The following PTN variants were observed in gnomAD, a reference collection of about 807,000 sequenced individuals.
The protein encoded by PTN is heparin affin regulatory protein.
Under a neutral mutation model 24.1 loss-of-function variants are expected in PTN, and 18 were observed. The ratio of observed to expected loss-of-function variants is 0.75; its 90% CI spans 0.52 to 1.11. The LOEUF (loss-of-function observed/expected upper bound fraction) is 1.11. PTN is among the 50% of genes least tolerant of loss of function. PTN has a pLI of 0.00. For missense variants in PTN, 163 were observed against 198.8 expected, an observed-to-expected ratio of 0.82 and a Z score of 1.08; for synonymous variants, 78 against 68.6, an observed-to-expected ratio of 1.14 and a Z score of -0.67.
intron 1 of PTN, among the ~76,000 whole-genome samples, chr7:137,269,933 C>T (rs1563206906): frequency 2.0e-5 from 3 of 152,074 alleles, no homozygotes; most frequent in African/African-American, 7.2e-5. Context: ...GCCCAGCCTG[C>T]TCCATCTATT....
intron 4 of PTN, among the ~76,000 whole-genome samples, 187 bp downstream of exon 4, chr7:137,251,043 T>C (rs1808816887): frequency 6.6e-6 from 1 of 152,190 alleles, no homozygotes; most frequent in Non-Finnish European, 1.5e-5. Context: ...GGACTTCAAT[T>C]TGCACTCACA....
chr7:137,230,794 C>G (rs2128867155), intron 4 of PTN, among the ~76,000 whole-genome samples: 1 of 151,880 alleles, frequency 6.6e-6, no homozygotes, highest in Admixed American at 6.6e-5. Flanking sequence ...AGAACGTGGT[C>G]CAACGCCCTT....
intron 1 of PTN, among the ~76,000 whole-genome samples, chr7:137,312,935 T>C (rs1810007555): frequency 6.6e-6 from 1 of 152,192 alleles, no homozygotes; most frequent in South Asian, 2.1e-4. Context: ...TAATGAAAAC[T>C]GTAAAATAAT....
intron 4 of PTN, among the ~76,000 whole-genome samples, chr7:137,239,631 A>G (rs1808591235): frequency 6.6e-6 from 1 of 151,280 alleles, no homozygotes; most frequent in Admixed American, 6.6e-5. Context: ...ATTCCCACCT[A>G]TGAGTGAGAA....
intron 1 of PTN, among the ~76,000 whole-genome samples, chr7:137,319,689 G>A (rs1810131805): frequency 6.6e-6 from 1 of 152,196 alleles, no homozygotes; most frequent in African/African-American, 2.4e-5. Flanking sequence ...CTGTACAGAT[G>A]AGAAGCCGGA....
chr7:137,313,944 C>A (rs765751174), intron 1 of PTN, among the ~76,000 whole-genome samples: 2 of 152,126 alleles, frequency 1.3e-5, no homozygotes, highest in Non-Finnish European at 2.9e-5. Flanking sequence ...ATTATTCAAC[C>A]TTTTTCATCA....
intron 1 of PTN, among the ~76,000 whole-genome samples, chr7:137,272,268 T>C (rs1040582378): frequency 2.6e-5 from 4 of 152,230 alleles, no homozygotes; most frequent in African/African-American, 4.8e-5. Flanking sequence ...TTTCCACTCC[T>C]GCACCCGATC....
At chr7:137,260,681 A>G (rs1025249705) in intron 1 of PTN, among the ~76,000 whole-genome samples, 6 of 152,244 alleles carry the variant, frequency 3.9e-5, no homozygotes, top group Non-Finnish European at 7.4e-5. Flanking sequence ...TCATGGTGCA[A>G]TTCAATATTC....
chr7:137,262,123 A>G (rs1809050707), intron 1 of PTN, among the ~76,000 whole-genome samples: 1 of 152,178 alleles, frequency 6.6e-6, no homozygotes, highest in South Asian at 2.1e-4. Context: ...TGAGATGCCC[A>G]AGGGATTTTT....
intron 1 of PTN, among the ~76,000 whole-genome samples, chr7:137,290,285 C>A (rs2128877173): frequency 6.6e-6 from 1 of 152,276 alleles, no homozygotes; most frequent in African/African-American, 2.4e-5. Context: ...TTGGTGGGGA[C>A]ACAGCCAAAC....
At chr7:137,317,850 A>G (rs1430353401) in intron 1 of PTN, among the ~76,000 whole-genome samples, 5 of 152,198 alleles carry the variant, frequency 3.3e-5, no homozygotes, top group Non-Finnish European at 7.3e-5. Context: ...ATGAGTGACC[A>G]AAGACAGGTG....
chr7:137,321,185 C>G (rs1481370279), intron 1 of PTN, among the ~76,000 whole-genome samples: 1 of 152,118 alleles, frequency 6.6e-6, no homozygotes, highest in Non-Finnish European at 1.5e-5. Context: ...AAGCAAAGAC[C>G]CTGCATGTTC....
intron 1 of PTN, among the ~76,000 whole-genome samples, chr7:137,310,366 G>C (rs909175592): frequency 6.0e-5 from 9 of 150,276 alleles, no homozygotes; most frequent in African/African-American, 2.2e-4. Flanking sequence ...TCAGTGAGCA[G>C]TGTCTTCAAA....
chr7:137,327,800 A>G (rs1247134435), intron 1 of PTN, among the ~76,000 whole-genome samples: 2 of 152,150 alleles, frequency 1.3e-5, no homozygotes, highest in African/African-American at 4.8e-5. Context: ...TATGAGGATG[A>G]AACTAAGATG....
Position 137,343,497 on chromosome 7 carries a change from T to A in PTN, c.-60A>T. 1 of 518,882 alleles carries A rather than the reference T, an allele frequency of 1.9e-6. No individual in the cohort carries two copies. Among genetic ancestry groups the A allele is most frequent in the South Asian group, 1.4e-5 (1 of 71,566 alleles). 32.1% of individuals were successfully genotyped at this position (518,882 alleles called of 1,614,324 possible). A position where few individuals can be genotyped will look rare whatever the true frequency, so the allele number is the denominator to read the frequency against. ...CTGCCTTTGTTGCAAGGGGCGAGGT[T>A]GCTACCGCTGAGTCCAGGTACCCGG... On this transcript the variant is annotated 5_prime_UTR_variant, in exon 1 of 5. Coordinates refer to ENST00000348225, the MANE Select transcript of PTN (RefSeq NM_002825.7).
intron 1 of PTN, among the ~76,000 whole-genome samples, chr7:137,294,883 T>C (rs1321169814): frequency 1.3e-5 from 2 of 152,132 alleles, no homozygotes; most frequent in African/African-American, 4.8e-5. Context: ...TTTTTTTATA[T>C]AAAGTGGCTC....
At chr7:137,238,118 GAAC>G (rs1158800908) in intron 4 of PTN, among the ~76,000 whole-genome samples, 3 of 152,090 alleles carry the variant, frequency 2.0e-5, no homozygotes, top group Non-Finnish European at 4.4e-5. Context: ...TCTGTGCACT[GAAC>G]AACAACAAGC....
In PTN at chr7:137,280,549, C is replaced by G. The variant is rs182167741; in HGVS notation, c.-1-25575G>C. On this transcript the variant is annotated intron_variant, in intron 1 of 4. Coordinates refer to ENST00000348225, the MANE Select transcript of PTN (RefSeq NM_002825.7). ...AGTAATAAGACACAAGCAAAGAGAG[C>G]AAACAGAAACCATGCAAACTGGGGC... Among the ~76,000 whole-genome samples the G allele has an allele frequency of 7.2e-4, 109 of 150,930 alleles. 1 individual carries two copies. Among genetic ancestry groups the G allele is most frequent in the Admixed American group, 6.5e-3 (99 of 15,138 alleles).
intron 1 of PTN, among the ~76,000 whole-genome samples, chr7:137,276,010 A>G (rs1437537561): frequency 6.6e-6 from 1 of 152,244 alleles, no homozygotes; most frequent in Non-Finnish European, 1.5e-5. Flanking sequence ...CTGCCATACA[A>G]CTAAGCAAAT....
Sources: gnomAD v4.1 joint callset for allele counts (sites outside exome capture counted in the v4.1 genomes callset) on GRCh38, gnomAD v4.1.1 for gene constraint, MANE v1.5 for transcripts, NCBI Gene and HGNC (gene_info 2026-07-23, HGNC 2026-07-21) for gene names.